Variants in ITGB4 observed in about 807,000 individuals in gnomAD.
ITGB4 encodes the protein integrin beta-4.
ITGB4 carries 159 observed loss-of-function variants against 207.6 expected under a neutral mutation model. The ratio of observed to expected loss-of-function variants is 0.77; its 90% CI spans 0.67 to 0.87. ITGB4 has a LOEUF of 0.87. Among genes scored for constraint, ITGB4 ranks in the 40% least tolerant of loss-of-function variants. ITGB4 has a pLI of 0.00. For synonymous variants in ITGB4, 1,020 were observed against 1,062.7 expected (o/e 0.96, Z 0.78); for missense variants, 2,278 against 2,546.8 (o/e 0.89, Z 2.27).
chr17:75,740,696 C>T lies in ITGB4; in HGVS notation c.2551-97C>T. On this transcript the variant is annotated intron_variant, in intron 21 of 39. Coordinates refer to ENST00000200181, the MANE Select transcript of ITGB4 (RefSeq NM_000213.5). This position sits in a 1 kb window ranked among gnomAD's most constrained non-coding sequence, Gnocchi z 5.9. The stretch of plus-strand genomic sequence containing the variant: ...ATGCCCCAGCCAACCCTGAGGATCT[C>T]TGGGTACAGAGGCTGCCTGGCTCCC... The T allele has an allele frequency of 7.2e-7, 1 of 1,387,050 alleles. No homozygotes were observed. The highest frequency in any genetic ancestry group is 2.3e-5 in the East Asian group (1 of 43,720). The allele number at this position is 1,387,050 out of a possible 1,614,324, so 85.9% of individuals were successfully genotyped here.
intron 26 of ITGB4, among the ~76,000 whole-genome samples, chr17:75,745,161 G>A (rs1367120826): frequency 6.6e-6 from 1 of 152,126 alleles, no homozygotes; most frequent in Admixed American, 6.5e-5. Context: ...GGGAGGCTAA[G>A]GTGGGAGAAT....
chr17:75,738,038 C>A (rs1736782274), intron 18 of ITGB4, among the ~76,000 whole-genome samples: 2 of 152,178 alleles, frequency 1.3e-5, no homozygotes, highest in Non-Finnish European at 2.9e-5. Context: ...GGATTCTGGT[C>A]CCAGCTCTGT....
At chr17:75,751,773 A>G (rs928073640) in intron 30 of ITGB4, 4 of 290,048 alleles carry the variant, frequency 1.4e-5, no homozygotes, top group African/African-American at 2.2e-5. Flanking sequence ...TATTTTATAC[A>G]TTATTTTATC....
Position 75,752,447 on chromosome 17 carries a change from C to G in ITGB4, c.3978C>G (p.Ile1326Met). The G allele has an allele frequency of 6.2e-7, 1 of 1,613,402 alleles. No individual in the cohort carries two copies. Among genetic ancestry groups the G allele is most frequent in the Non-Finnish European group, 8.5e-7 (1 of 1,179,988 alleles). The change falls in exon 32 of 40, where the codon ATC becomes ATG. Residue 1326 changes from isoleucine (I) to methionine (M), a missense_variant and splice_region_variant. Ile to Met is a conservative substitution (Grantham distance 10, BLOSUM62 1). Transcript: ENST00000200181. ...LATQPKRPMS[I>M]PIIPDIPIVD... is the part of the protein sequence containing the mutation. ...CTGGCTCACTCCCCTGCCCTGCAGT[C>G]CCCATCATCCCTGACATCCCTATCG...
At position 75,752,264 on chromosome 17, in the gene ITGB4, G is replaced by GC; in HGVS notation, c.3885dup (p.Tyr1296LeufsTer14). ...AACCTTCGGGAGTCCCAGCCCTACC[G>GC]CTACACGGTGAAGGCGCGCAACGGG... is the stretch of plus-strand genomic sequence containing the variant. On this transcript the variant is annotated frameshift_variant, in exon 31 of 40. Transcript: ENST00000200181. LOFTEE classifies it high-confidence loss of function. The GC allele has an allele frequency of 6.2e-7, 1 of 1,613,500 alleles. No homozygotes were observed. The highest frequency in any genetic ancestry group is 1.3e-5 in the African/African-American group (1 of 75,060).
chr17:75,730,491 A>G lies in ITGB4; in HGVS notation c.989A>G (p.Tyr330Cys), dbSNP rs370664880. ...IPIFAVTNYS[Y>C]SYYEKLHTYF... ...ATCTTTGCTGTCACCAACTACTCCT[A>G]TAGCTACTACGAGGTGCGGGGCCCA... Residue 330 changes from tyrosine to cysteine, a missense_variant, in exon 8 of 40, where the codon TAT becomes TGT. Tyr to Cys is a radical substitution (Grantham distance 194). Coordinates refer to ENST00000200181, the MANE Select transcript of ITGB4 (RefSeq NM_000213.5). The G allele has an allele frequency of 2.1e-5, 34 of 1,613,514 alleles. No homozygotes were observed. The African/African-American group carries it at 4.3e-4, about 20-fold the overall frequency.
In ITGB4 at chr17:75,730,495, C is replaced by T. The variant is rs1225110850; in HGVS notation, c.993C>T (p.Ser331=). 2.5e-6 allele frequency: 4 copies of T among 1,613,690 alleles called. No individual in the cohort carries two copies. The highest frequency in any genetic ancestry group is 1.7e-5 in the Admixed American group (1 of 60,004). ...TTGCTGTCACCAACTACTCCTATAG[C>T]TACTACGAGGTGCGGGGCCCAGGTC... ...PIFAVTNYSY[S]YYEKLHTYFP... is the part of the protein sequence containing the mutation. Residue 331 remains serine, a synonymous_variant, in exon 8 of 40, where the codon AGC becomes AGT. Coordinates refer to ENST00000200181, the MANE Select transcript of ITGB4 (RefSeq NM_000213.5).
rs200122430 is a variant in ITGB4 at position 75,731,354 on chromosome 17, C to T, written c.1201C>T (p.Arg401Trp). 255 of 1,611,374 alleles carry T rather than the reference C, an allele frequency of 1.6e-4. No homozygotes were observed. In the Middle Eastern group the frequency reaches 2.5e-3, roughly 16 times the overall value. The part of the protein sequence containing the change: ...QKTRTGSFHI[R>W]RGEVGIYQVQ... ...GACGAGGACTGGGTCCTTTCACATC[C>T]GGCGGGGGGAAGTGGTACGCCTCTG... Residue 401 changes from arginine to tryptophan, a missense_variant, in exon 10 of 40, where the codon CGG (arginine) becomes TGG (tryptophan). Arg to Trp is a moderately radical substitution (Grantham distance 101, BLOSUM62 -3). Transcript: ENST00000200181. This position sits in a 1 kb window ranked among gnomAD's most constrained non-coding sequence, Gnocchi z 6.8.
At chr17:75,733,842 C>G (rs943821662) in intron 13 of ITGB4, 150 bp downstream of exon 13, 5 of 867,566 alleles carry the variant, frequency 5.8e-6, no homozygotes, top group Non-Finnish European at 9.2e-6. Flanking sequence ...CCCTGAGGGC[C>G]GCCCCTGAGT....
Position 75,739,294 on chromosome 17 carries a change from C to CAA in ITGB4, c.2221-365_2221-364dup, listed in dbSNP as rs1284903352. ...TGGGCAACAGAGCGAGACCCTGTCT[C>CAA]AAAAAAAAAAAAAAGAAAAGAAACA... On this transcript the variant is annotated intron_variant, in intron 18 of 39. Coordinates refer to ENST00000200181, the MANE Select transcript of ITGB4 (RefSeq NM_000213.5). This position sits in a 1 kb window ranked among gnomAD's most constrained non-coding sequence, Gnocchi z 5.4. Among the ~76,000 whole-genome samples, 7 of 120,540 alleles carry CAA rather than the reference C, an allele frequency of 5.8e-5. No homozygotes were observed. The highest frequency in any genetic ancestry group is 1.2e-4 in the African/African-American group (4 of 32,980). 79.1% of individuals were successfully genotyped at this position (120,540 alleles called of 152,430 possible). A position where few individuals can be genotyped will look rare whatever the true frequency, so the allele number is the denominator to read the frequency against.
In ITGB4 at chr17:75,727,722, C is replaced by T. The variant is rs769872605; in HGVS notation, c.336C>T (p.Pro112=). 126 of 1,613,540 alleles carry T rather than the reference C, an allele frequency of 7.8e-5. No individual in the cohort carries two copies. In the East Asian group the frequency reaches 1.0e-3, roughly 13 times the overall value. ...SPQGLRVRLR[P]GEERHFELEV... is the part of the protein sequence containing the mutation. ...AAGGCCTGCGGGTCCGTCTGCGGCCCGGTGAGGAGCGGCATTTTGAGCTGG... is the reference window on the plus strand; with the variant it reads ...AAGGCCTGCGGGTCCGTCTGCGGCCTGGTGAGGAGCGGCATTTTGAGCTGG... Residue 112 remains proline (P), a synonymous_variant, in exon 5 of 40, where the codon CCC becomes CCT. Coordinates refer to ENST00000200181, the MANE Select transcript of ITGB4 (RefSeq NM_000213.5). This position sits in a 1 kb window ranked among gnomAD's most constrained non-coding sequence, Gnocchi z 6.0.
At position 75,732,209 on chromosome 17, in the gene ITGB4, T is replaced by C. The variant is rs1266876411; in HGVS notation, c.1424T>C (p.Val475Ala). Residue 475 changes from valine (V) to alanine (A), a missense_variant, in exon 12 of 40, where the codon GTG (valine) becomes GCG (alanine). Coordinates refer to ENST00000200181, the MANE Select transcript of ITGB4 (RefSeq NM_000213.5). This position sits in a 1 kb window ranked among gnomAD's most constrained non-coding sequence, Gnocchi z 5.3. ...CGCTGCAGCTTCAACGGAGACTTCG[T>C]GTGCGGACAGTGTGTGTGCAGCGAG... ...SARCSFNGDF[V>A]CGQCVCSEGW... The C allele has an allele frequency of 5.0e-6, 8 of 1,614,082 alleles. No homozygotes were observed. The highest frequency in any genetic ancestry group is 5.9e-6 in the Non-Finnish European group (7 of 1,180,026).
At chr17:75,755,224 G>C (rs2061469264) in intron 34 of ITGB4, 1 of 1,597,838 alleles carries the variant, frequency 6.3e-7, no homozygotes, top group Non-Finnish European at 8.6e-7. Flanking sequence ...GTAGTACAGG[G>C]GTGGCCATCC....
rs925933331 is a variant in ITGB4, at chr17:75,737,403, C to T, written c.2072C>T (p.Ala691Val). 17 of 1,562,514 alleles carry T rather than the reference C, an allele frequency of 1.1e-5. No individual in the cohort carries two copies. The highest frequency in any genetic ancestry group is 2.7e-5 in the African/African-American group (2 of 73,412). Residue 691 changes from alanine to valine, a missense_variant, in exon 17 of 40, where the codon GCC becomes GTC. Transcript: ENST00000200181. ...AGCTACACCATGGAAGGTGACGGCG[C>T]CCCTGGGCCCAACAGCACTGTCCTG... Reference protein sequence around the residue: ...TYSYTMEGDGAPGPNSTVLVH... With the variant: ...TYSYTMEGDGVPGPNSTVLVH...
Position 75,727,226 on chromosome 17 carries a change from C to G in ITGB4, c.111C>G (p.Ser37Arg). Residue 37 changes from serine (S) to arginine (R), a missense_variant, in exon 3 of 40, where the codon AGC becomes AGG. By Grantham distance (110) the Ser-to-Arg change is moderately radical. Transcript: ENST00000200181. The surrounding 1 kb of genome is among the most constrained non-coding windows in gnomAD (Gnocchi z 6.0). ...GCTGCAAGAAGGCCCCAGTGAAGAG[C>G]TGCACGGAGTGTGTCCGTGTGGATA... ...ANRCKKAPVK[S>R]CTECVRVDKD... 1 of 1,614,076 alleles carries G rather than the reference C, an allele frequency of 6.2e-7. No homozygotes were observed. Among genetic ancestry groups the G allele is most frequent in the Non-Finnish European group, 8.5e-7 (1 of 1,179,980 alleles).
Position 75,737,631 on chromosome 17 carries a change from G to A in ITGB4, c.2207G>A (p.Cys736Tyr). 6.2e-7 allele frequency: 1 copy of A among 1,613,096 alleles called. No homozygotes were observed. Among genetic ancestry groups the A allele is most frequent in the Non-Finnish European group, 8.5e-7 (1 of 1,179,834 alleles). ...ALLLLLCWKY[C>Y]ACCKACLALL... is the part of the protein sequence containing the mutation. Reference sequence around the variant, plus strand: ...CTACTGCTGCTATGCTGGAAGTACTGTGCCTGCTGCAAGGTGAGCACCCAG... The same window carrying A: ...CTACTGCTGCTATGCTGGAAGTACTATGCCTGCTGCAAGGTGAGCACCCAG... Residue 736 changes from cysteine to tyrosine, a missense_variant, in exon 18 of 40, where the codon TGT (cysteine) becomes TAT (tyrosine). Coordinates refer to ENST00000200181, the MANE Select transcript of ITGB4 (RefSeq NM_000213.5).
intron 18 of ITGB4, among the ~76,000 whole-genome samples, chr17:75,738,231 C>T (rs1387103913): frequency 6.6e-6 from 1 of 151,568 alleles, no homozygotes; most frequent in African/African-American, 2.4e-5. Context: ...CAACCCCATC[C>T]AGCTTCCGGA....
chr17:75,741,590 C>A (rs1183822930), intron 23 of ITGB4, among the ~76,000 whole-genome samples: 2 of 151,842 alleles, frequency 1.3e-5, no homozygotes, highest in Non-Finnish European at 2.9e-5. Context: ...TGGATCACCT[C>A]AGGTCAGGAG....
In ITGB4 at chr17:75,727,231, C is replaced by T. The variant is rs372947104; in HGVS notation, c.116C>T (p.Thr39Met). 8.1e-6 allele frequency: 13 copies of T among 1,613,946 alleles called. No homozygotes were observed. The highest frequency in any genetic ancestry group is 4.4e-5 in the South Asian group (4 of 91,048). Reference protein sequence around the residue: ...RCKKAPVKSCTECVRVDKDCA... With the variant: ...RCKKAPVKSCMECVRVDKDCA... ...AAGAAGGCCCCAGTGAAGAGCTGCA[C>T]GGAGTGTGTCCGTGTGGATAAGGAC... is the stretch of plus-strand genomic sequence containing the variant. The change falls in exon 3 of 40, where the codon ACG becomes ATG. Residue 39 changes from threonine (T) to methionine (M), a missense_variant. Physicochemically the swap from Thr to Met is moderately conservative, Grantham distance 81 (BLOSUM62 -1). Coordinates refer to ENST00000200181, the MANE Select transcript of ITGB4 (RefSeq NM_000213.5). This position sits in a 1 kb window ranked among gnomAD's most constrained non-coding sequence, Gnocchi z 6.0.
Sources: allele counts gnomAD v4.1 joint callset (sites outside exome capture counted in the v4.1 genomes callset), GRCh38; gene constraint gnomAD v4.1.1; non-coding constraint Gnocchi (gnomAD v3.1); transcripts MANE v1.5; gene names NCBI Gene and HGNC (gene_info 2026-07-23, HGNC 2026-07-21).